The following SMYD3 variants were observed in gnomAD, a reference collection of about 807,000 sequenced individuals.
The protein encoded by SMYD3 is histone-lysine N-methyltransferase SMYD3.
In SMYD3, 36 loss-of-function variants were observed where a neutral mutation model predicts 57.7. The ratio of observed to expected loss-of-function variants is 0.62; its 90% CI spans 0.48 to 0.82. SMYD3 has a LOEUF of 0.82. Among genes scored for constraint, SMYD3 ranks in the 40% least tolerant of loss-of-function variants. The pLI, the probability that SMYD3 is intolerant of heterozygous loss-of-function variation, is 0.00. For synonymous variants in SMYD3, 211 were observed against 195.0 expected (o/e 1.08, Z -0.68); for missense variants, 515 against 538.8 (o/e 0.96, Z 0.44).
At chr1:246,012,097 C>T (rs2059292376) in intron 5 of SMYD3, among the ~76,000 whole-genome samples, 1 of 152,158 alleles carries the variant, frequency 6.6e-6, no homozygotes, top group African/African-American at 2.4e-5. Context: ...AAGCCAACGA[C>T]ACTAGCCCCA....
chr1:246,354,152 G>A (rs2148704412), intron 2 of SMYD3, among the ~76,000 whole-genome samples: 1 of 152,154 alleles, frequency 6.6e-6, no homozygotes, highest in East Asian at 1.9e-4. Flanking sequence ...AGGGTGGCAG[G>A]GAGGAGGCAA....
intron 11 of SMYD3, among the ~76,000 whole-genome samples, chr1:245,760,649 A>C (rs997575302): frequency 6.6e-6 from 1 of 152,212 alleles, no homozygotes; most frequent in African/African-American, 2.4e-5. Flanking sequence ...TATTGGGGGC[A>C]TGTGTGTCTA....
chr1:246,179,897 C>T (rs897870178), intron 5 of SMYD3, among the ~76,000 whole-genome samples: 2 of 152,064 alleles, frequency 1.3e-5, no homozygotes, highest in African/African-American at 4.8e-5. Flanking sequence ...GGTCTGGGGC[C>T]CATGTTCACC....
chr1:246,380,641 T>C (rs1356777011), intron 1 of SMYD3, among the ~76,000 whole-genome samples: 1 of 152,170 alleles, frequency 6.6e-6, no homozygotes, highest in African/African-American at 2.4e-5. Flanking sequence ...TATATAAGGA[T>C]CAATAAGACA....
intron 5 of SMYD3, among the ~76,000 whole-genome samples, chr1:246,271,341 G>A (rs928320941): frequency 3.9e-5 from 6 of 151,954 alleles, no homozygotes; most frequent in African/African-American, 1.5e-4. Context: ...TTAGCTGCCT[G>A]TTCCTTTGGT....
intron 5 of SMYD3, among the ~76,000 whole-genome samples, chr1:246,145,664 C>T (rs144550619): frequency 5.1e-4 from 78 of 152,228 alleles, no homozygotes; most frequent in African/African-American, 1.7e-3. Context: ...CAGTAAGTAG[C>T]GTAAGCCTCT....
At position 245,764,138 on chromosome 1, in the gene SMYD3, G is replaced by C. The variant is rs1260623990; in HGVS notation, c.1088C>G (p.Pro363Arg). ...AACCCCTCTGACGGGATGGCTTCCTGGGAAAAAAATCCTGGAAGAAACCAA... is the reference window on the plus strand; with the variant it reads ...AACCCCTCTGACGGGATGGCTTCCTCGGAAAAAAATCCTGGAAGAAACCAA... ...RTMEPYRIFF[P>R]GSHPVRGVQV... The change falls in exon 11 of 12, where the codon CCA becomes CGA. Residue 363 changes from proline (P) to arginine (R), a missense_variant. Physicochemically the swap from Pro to Arg is moderately radical, Grantham distance 103 (BLOSUM62 -2). Coordinates refer to ENST00000490107, the MANE Select transcript of SMYD3 (RefSeq NM_001167740.2). 1.2e-6 allele frequency: 2 copies of C among 1,613,248 alleles called. No homozygotes were observed. The highest frequency in any genetic ancestry group is 2.7e-5 in the African/African-American group (2 of 74,864).
intron 7 of SMYD3, among the ~76,000 whole-genome samples, chr1:245,917,473 G>GTTTC (rs1439082216): frequency 6.6e-6 from 1 of 152,148 alleles, no homozygotes; most frequent in African/African-American, 2.4e-5. Flanking sequence ...TCATTTCCCA[G>GTTTC]TTTCCCTCAT....
intron 8 of SMYD3, among the ~76,000 whole-genome samples, chr1:245,885,330 G>A (rs145332041): frequency 3.9e-5 from 6 of 152,236 alleles, no homozygotes; most frequent in African/African-American, 4.8e-5. Context: ...AACCAATTCC[G>A]GACACACCAC....
chr1:245,762,000 G>A lies in SMYD3; in HGVS notation c.1185+2041C>T, dbSNP rs542039676. Among the ~76,000 whole-genome samples the A allele has an allele frequency of 3.3e-5, 5 of 152,130 alleles. No homozygotes were observed. The South Asian group carries it at 1.0e-3, about 32-fold the overall frequency. ...GGATTTCACCATGTTGGCCAGACTG[G>A]TCTTGAACCCCTGACCTCAGGTGAT... On this transcript the variant is annotated intron_variant, in intron 11 of 11. Coordinates refer to ENST00000490107, the MANE Select transcript of SMYD3 (RefSeq NM_001167740.2).
chr1:246,482,241 G>A lies in SMYD3; in HGVS notation c.164+24813C>T, dbSNP rs148090201. Among the ~76,000 whole-genome samples, 1,107 of 152,124 alleles carry A rather than the reference G, an allele frequency of 7.3e-3. 9 individuals carry two copies. Among genetic ancestry groups the A allele is most frequent in the Middle Eastern group, 0.027 (8 of 294 alleles). On this transcript the variant is annotated intron_variant, in intron 1 of 11. Transcript: ENST00000490107. ...GAGGTAAAATGGTGGGTCAGCCCAG[G>A]GCATATAATCTTTACACTAATGGTT...
intron 10 of SMYD3, among the ~76,000 whole-genome samples, chr1:245,794,026 A>G (rs530202053): frequency 2.6e-5 from 4 of 152,268 alleles, no homozygotes; most frequent in Admixed American, 6.5e-5. Context: ...GTCTCTTAAT[A>G]TTTAAATTTC....
chr1:246,177,252 C>G (rs186812353), intron 5 of SMYD3, among the ~76,000 whole-genome samples: 39 of 152,322 alleles, frequency 2.6e-4, no homozygotes, highest in African/African-American at 9.4e-4. Flanking sequence ...AGCAAATTTA[C>G]AACTTCAATG....
At chr1:245,770,252 T>G (rs1182053404) in intron 10 of SMYD3, among the ~76,000 whole-genome samples, 1 of 152,138 alleles carries the variant, frequency 6.6e-6, no homozygotes, top group Non-Finnish European at 1.5e-5. Flanking sequence ...TTGGTACTTT[T>G]CCCTTTGATG....
intron 5 of SMYD3, among the ~76,000 whole-genome samples, chr1:246,031,494 C>T (rs770173137): frequency 5.9e-5 from 9 of 152,018 alleles, no homozygotes; most frequent in Non-Finnish European, 8.8e-5. Flanking sequence ...TCCCAGCACT[C>T]TGGGAGGCCG....
chr1:246,009,436 A>AT (rs2059238056), intron 5 of SMYD3, among the ~76,000 whole-genome samples: 1 of 152,208 alleles, frequency 6.6e-6, no homozygotes, highest in South Asian at 2.1e-4. Flanking sequence ...GAGTCTTCAC[A>AT]TTTTTTGAAG....
chr1:246,377,265 C>A (rs1307293408), intron 1 of SMYD3, among the ~76,000 whole-genome samples: 1 of 147,514 alleles, frequency 6.8e-6, no homozygotes, highest in Non-Finnish European at 1.5e-5. Context: ...TAATAGAAAG[C>A]AGCTAATTTT....
intron 1 of SMYD3, among the ~76,000 whole-genome samples, chr1:246,362,818 C>A (rs1401648532): frequency 6.6e-6 from 1 of 152,174 alleles, no homozygotes; most frequent in African/African-American, 2.4e-5. Flanking sequence ...GCTACAACCT[C>A]CACCTCCCAG....
intron 5 of SMYD3, chr1:246,326,678 C>T (rs563894644): frequency 6.8e-5 from 21 of 310,130 alleles, no homozygotes; most frequent in Non-Finnish European, 9.3e-5. Context: ...GCATGAGACT[C>T]GCTTGATTCT....
Sources: allele counts gnomAD v4.1 joint callset (sites outside exome capture counted in the v4.1 genomes callset), GRCh38; gene constraint gnomAD v4.1.1; transcripts MANE v1.5; gene names NCBI Gene and HGNC (gene_info 2026-07-23, HGNC 2026-07-21).